ADGRG6: variants seen among roughly 807,000 people sequenced by gnomAD.
The protein encoded by ADGRG6 is adhesion G protein-coupled receptor G6.
In ADGRG6, 84 loss-of-function variants were observed where a neutral mutation model predicts 142.4. The ratio of observed to expected loss-of-function variants is 0.59; its 90% confidence interval spans 0.49 to 0.71. The LOEUF (loss-of-function observed/expected upper bound fraction) is 0.71. Among genes scored for constraint, ADGRG6 ranks in the 30% least tolerant of loss-of-function variants. The probability of loss-of-function intolerance (pLI) is 0.00; values close to 1 mark genes in which losing one functional copy is unlikely to be tolerated. For synonymous variants in ADGRG6, 521 were observed against 520.5 expected, an observed-to-expected ratio of 1.00 and a Z score of -0.01; for missense variants, 1,367 against 1,466.6, an observed-to-expected ratio of 0.93 and a Z score of 1.11.
chr6:142,376,280 T>C (rs1371272982), intron 4 of ADGRG6, among the ~76,000 whole-genome samples: 1 of 152,190 alleles, frequency 6.6e-6, no homozygotes, highest in Non-Finnish European at 1.5e-5. Flanking sequence ...ACTAGTTTTA[T>C]TTATTTTACT....
chr6:142,323,434 C>T (rs1361747759), intron 2 of ADGRG6, among the ~76,000 whole-genome samples: 1 of 151,906 alleles, frequency 6.6e-6, no homozygotes, highest in Non-Finnish European at 1.5e-5. Flanking sequence ...TAGATTAAAG[C>T]TGATTTAGCG....
chr6:142,383,425 A>G (rs1251245879), intron 5 of ADGRG6, among the ~76,000 whole-genome samples: 1 of 152,130 alleles, frequency 6.6e-6, no homozygotes, highest in African/African-American at 2.4e-5. Flanking sequence ...CAGGAAACCA[A>G]GTTCTAGAAG....
chr6:142,313,547 C>G (rs763120113), intron 2 of ADGRG6, among the ~76,000 whole-genome samples: 22 of 152,284 alleles, frequency 1.4e-4, no homozygotes, highest in South Asian at 8.3e-4. Flanking sequence ...CAGTGTTACT[C>G]TGATATCTAT....
chr6:142,398,598 A>C (rs1775329509), intron 10 of ADGRG6, among the ~76,000 whole-genome samples: 1 of 152,138 alleles, frequency 6.6e-6, no homozygotes, highest in Non-Finnish European at 1.5e-5. Flanking sequence ...CACGGCTTGT[A>C]CTTCCACAAA....
intron 2 of ADGRG6, among the ~76,000 whole-genome samples, chr6:142,337,374 G>A (rs927214017): frequency 3.3e-5 from 5 of 152,150 alleles, no homozygotes; most frequent in African/African-American, 1.2e-4. Context: ...AATAGAATGT[G>A]GTTCAGTTTT....
At chr6:142,315,840 TAAATAA>T (rs1778028389) in intron 2 of ADGRG6, among the ~76,000 whole-genome samples, 1 of 138,010 alleles carries the variant, frequency 7.2e-6, no homozygotes, top group Non-Finnish European at 1.5e-5. Context: ...AATAAATAAA[TAAATAA>T]ATAAATAAAT....
intron 2 of ADGRG6, among the ~76,000 whole-genome samples, chr6:142,317,765 AT>A: frequency 3.0e-5 from 3 of 101,448 alleles, no homozygotes; most frequent in African/African-American, 1.2e-4. Flanking sequence ...TATTATATAT[AT>A]TTATATCATA....
intron 22 of ADGRG6, among the ~76,000 whole-genome samples, chr6:142,426,772 C>T (rs1394666615): frequency 1.2e-4 from 19 of 152,192 alleles, no homozygotes; most frequent in Non-Finnish European, 2.4e-4. Context: ...GAAATCTAGG[C>T]GGAGGTTCCC....
At chr6:142,342,181 G>A (rs1320612024) in intron 2 of ADGRG6, among the ~76,000 whole-genome samples, 1 of 151,922 alleles carries the variant, frequency 6.6e-6, no homozygotes, top group Non-Finnish European at 1.5e-5. Context: ...TACAGCAAAT[G>A]GAAAGAGGCA....
intron 2 of ADGRG6, among the ~76,000 whole-genome samples, chr6:142,335,876 T>A (rs1779285650): frequency 6.6e-6 from 1 of 152,058 alleles, no homozygotes; most frequent in Non-Finnish European, 1.5e-5. Context: ...TTCAAGAGAA[T>A]GTAATCAGGG....
At chr6:142,369,268 A>T (rs937798829) in intron 3 of ADGRG6, among the ~76,000 whole-genome samples, 1 of 152,184 alleles carries the variant, frequency 6.6e-6, no homozygotes, top group African/African-American at 2.4e-5. Flanking sequence ...TGTATCATGG[A>T]TTAGGTGAAT....
At chr6:142,418,277 A>G (rs1776470132) in intron 21 of ADGRG6, among the ~76,000 whole-genome samples, 1 of 150,308 alleles carries the variant, frequency 6.7e-6, no homozygotes, top group Admixed American at 6.6e-5. Flanking sequence ...AGCCTGGGCA[A>G]CAGAGTGAGA....
At chr6:142,415,408 G>T (rs1258796535) in intron 19 of ADGRG6, among the ~76,000 whole-genome samples, 1 of 151,884 alleles carries the variant, frequency 6.6e-6, no homozygotes, top group Non-Finnish European at 1.5e-5. Context: ...TATAAAATTA[G>T]TCCTGAAACA....
rs1363035100 is a variant in ADGRG6 at position 142,415,000 on chromosome 6, C to G, written c.2573C>G (p.Ala858Gly). ...DLPRSASQLD[A>G]RNTKVLTFIS... ...CCAAGAAGTGCCTCACAGTTAGATGCAAGAAACACTAAAGTCCTCACTTTC... is the reference window on the plus strand; with the variant it reads ...CCAAGAAGTGCCTCACAGTTAGATGGAAGAAACACTAAAGTCCTCACTTTC... The change falls in exon 19 of 25, where the codon GCA (alanine) becomes GGA (glycine). Residue 858 changes from alanine (A) to glycine (G), a missense_variant. Around this residue, in one of 3 missense-constraint regions of ADGRG6, gnomAD observed 286 missense variants for 371.4 expected, o/e 0.77. Transcript: ENST00000367609. 6.2e-7 allele frequency: 1 copy of G among 1,611,262 alleles called. No homozygotes were observed. The highest frequency in any genetic ancestry group is 1.7e-5 in the Admixed American group (1 of 59,704).
At chr6:142,317,919 T>A (rs1431321283) in intron 2 of ADGRG6, among the ~76,000 whole-genome samples, 1 of 74,458 alleles carries the variant, frequency 1.3e-5, no homozygotes, top group Non-Finnish European at 2.3e-5. Context: ...TATATATATT[T>A]ATATTATATA....
chr6:142,425,896 A>G (rs1239029200), intron 22 of ADGRG6, among the ~76,000 whole-genome samples: 2 of 152,176 alleles, frequency 1.3e-5, no homozygotes, highest in Non-Finnish European at 2.9e-5. Flanking sequence ...AAAAACTCCC[A>G]TTTTTAAACG....
chr6:142,395,528 G>A (rs967475094), intron 9 of ADGRG6, among the ~76,000 whole-genome samples: 7 of 152,108 alleles, frequency 4.6e-5, no homozygotes, highest in East Asian at 3.9e-4. Flanking sequence ...GTTAGTACAT[G>A]TCAGCACCTC....
chr6:142,359,239 A>G (rs961094313), intron 2 of ADGRG6, among the ~76,000 whole-genome samples: 54 of 151,348 alleles, frequency 3.6e-4, no homozygotes, highest in African/African-American at 1.3e-3. Context: ...GCTAAACAAA[A>G]ATCCAGTTAT....
In ADGRG6 at chr6:142,443,545, G is replaced by C; in HGVS notation, c.*30G>C. The C allele has an allele frequency of 6.6e-7, 1 of 1,515,048 alleles. No homozygotes were observed. Among genetic ancestry groups the C allele is most frequent in the Non-Finnish European group, 9.1e-7 (1 of 1,100,620 alleles). The allele number at this position is 1,515,048 out of a possible 1,614,324, so 93.9% of individuals were successfully genotyped here. A position where few individuals can be genotyped will look rare whatever the true frequency, so the allele number is the denominator to read the frequency against. On this transcript the variant is annotated 3_prime_UTR_variant, in exon 25 of 25. Transcript: ENST00000367609. ...TTTAAGAAAAAGAAATCAATCTGCA[G>C]AAATGTGAAGATTTGCAAGCAGTGT...
Sources: allele counts gnomAD v4.1 joint callset (sites outside exome capture counted in the v4.1 genomes callset), GRCh38; gene constraint gnomAD v4.1.1; regional missense constraint gnomAD v4.1.1; transcripts MANE v1.5; gene names NCBI Gene and HGNC (gene_info 2026-07-23, HGNC 2026-07-21).